Variants in ZNF57 observed in about 807,000 individuals in gnomAD.
The protein encoded by ZNF57 is zinc finger protein 57, also known as zinc finger protein 424.
ZNF57 carries 11 observed loss-of-function variants against 13.4 expected under a neutral mutation model. The observed-to-expected ratio is 0.82, with a 90% CI of 0.52 to 1.36. ZNF57 has a LOEUF of 1.36. Among genes scored for constraint, ZNF57 ranks in the 40% most tolerant of loss-of-function variants. The pLI, the probability that ZNF57 is intolerant of heterozygous loss-of-function variation, is 0.00. For synonymous variants in ZNF57, 224 were observed against 238.5 expected, an observed-to-expected ratio of 0.94 and a Z score of 0.56; for missense variants, 696 against 667.5, an observed-to-expected ratio of 1.04 and a Z score of -0.47.
Position 2,914,676 on chromosome 19 carries a change from G to A in ZNF57, c.4-846G>A, listed in dbSNP as rs113049537. ...ATGCGAGGCTTATCAGATGAGCTTC[G>A]GGTTTATATTCATCGCTCGATTCCA... On this transcript the variant is annotated intron_variant, in intron 1 of 3. Transcript: ENST00000306908. Among the ~76,000 whole-genome samples the A allele has an allele frequency of 3.4e-3, 525 of 152,248 alleles. 4 individuals carry two copies. The highest frequency in any genetic ancestry group is 0.014 in the South Asian group (68 of 4,820).
chr19:2,911,554 C>T (rs757415298), intron 1 of ZNF57, among the ~76,000 whole-genome samples: 4 of 151,370 alleles, frequency 2.6e-5, no homozygotes, highest in Non-Finnish European at 5.9e-5. Flanking sequence ...AAAACGACAA[C>T]AAAAAAAACT....
At chr19:2,912,101 G>A (rs2088142932) in intron 1 of ZNF57, 2 of 152,224 alleles carry the variant, frequency 1.3e-5, no homozygotes, top group African/African-American at 4.8e-5. Flanking sequence ...GTGGGCAGAG[G>A]GCAAGGATTC....
Position 2,917,317 on chromosome 19 carries a change from G to A in ZNF57, c.696G>A (p.Ala232=), listed in dbSNP as rs140425321. ...KTYKCEQCRM[A]FNGFASFTRH... ...ACAAATGCGAGCAGTGTCGGATGGC[G>A]TTTAATGGGTTCGCAAGCTTCACTA... The change falls in exon 4 of 4, where the codon GCG becomes GCA. Residue 232 remains alanine, a synonymous_variant. Transcript: ENST00000306908. 205 of 1,614,098 alleles carry A rather than the reference G, an allele frequency of 1.3e-4. No individual in the cohort carries two copies. The highest frequency in any genetic ancestry group is 4.9e-4 in the Middle Eastern group (3 of 6,062).
At chr19:2,905,556 A>C (rs1455805325) in intron 1 of ZNF57, among the ~76,000 whole-genome samples, 1 of 151,184 alleles carries the variant, frequency 6.6e-6, no homozygotes, top group Non-Finnish European at 1.5e-5. Flanking sequence ...CGAGGTCAGG[A>C]GATCGAGACC....
chr19:2,913,146 GT>G (rs2088156093), intron 1 of ZNF57, among the ~76,000 whole-genome samples: 1 of 152,124 alleles, frequency 6.6e-6, no homozygotes, highest in Admixed American at 6.6e-5. Context: ...TAGAGACGGG[GT>G]TTCACCATAT....
At position 2,909,285 on chromosome 19, in the gene ZNF57, T is replaced by TTTTG. The variant is rs1555677945; in HGVS notation, c.4-6234_4-6233insGTTT. ...GATTTTATTTTATTTATTTTTGTTT[T>TTTTG]TTTTTTTTTTTTTGAGACAGAGTCT... On this transcript the variant is annotated intron_variant, in intron 1 of 3. Transcript: ENST00000306908. 4.6e-5 allele frequency among the ~76,000 whole-genome samples: 6 copies of TTTTG among 129,732 alleles called. No individual in the cohort carries two copies. The South Asian group carries it at 8.0e-4, about 17-fold the overall frequency. 85.1% of individuals were successfully genotyped at this position (129,732 alleles called of 152,430 possible).
chr19:2,903,882 A>G (rs1377915094), intron 1 of ZNF57, among the ~76,000 whole-genome samples: 1 of 151,770 alleles, frequency 6.6e-6, no homozygotes, highest in Non-Finnish European at 1.5e-5. Context: ...CGCCCGGCTA[A>G]TTTTTTGTAT....
At chr19:2,915,413 G>T in intron 1 of ZNF57, 109 bp from the exon 2 acceptor site, 1 of 1,399,868 alleles carries the variant, frequency 7.1e-7, no homozygotes, top group South Asian at 1.3e-5. Flanking sequence ...GCGTCATAGA[G>T]GAGGTGTTGG....
rs1044436016 is a variant in ZNF57 at position 2,917,870 on chromosome 19, G to A, written c.1249G>A (p.Glu417Lys). The A allele has an allele frequency of 6.2e-7, 1 of 1,612,004 alleles. No individual in the cohort carries two copies. Among genetic ancestry groups the A allele is most frequent in the Non-Finnish European group, 8.5e-7 (1 of 1,179,224 alleles). ...FRGHLRTHTG[E>K]KPYECKQCGK... is the part of the protein sequence containing the mutation. ...AGGTCATTTGAGGACGCACACTGGA[G>A]AGAAGCCTTATGAGTGTAAACAATG... Residue 417 changes from glutamate to lysine, a missense_variant, in exon 4 of 4, where the codon GAG becomes AAG. By Grantham distance (56) the Glu-to-Lys change is moderately conservative (BLOSUM62 1). Transcript: ENST00000306908.
At chr19:2,902,944 A>G (rs1672475965) in intron 1 of ZNF57, among the ~76,000 whole-genome samples, 1 of 152,134 alleles carries the variant, frequency 6.6e-6, no homozygotes, top group African/African-American at 2.4e-5. Flanking sequence ...CAGGGAGGTG[A>G]GCCCCAAGAC....
chr19:2,901,056 C>T lies in ZNF57; in HGVS notation c.3+8C>T. The T allele has an allele frequency of 2.6e-6, 4 of 1,558,504 alleles. No homozygotes were observed. Among genetic ancestry groups the T allele is most frequent in the South Asian group, 1.2e-5 (1 of 84,728 alleles). On this transcript the variant is annotated splice_region_variant and intron_variant, in intron 1 of 3. Transcript: ENST00000306908. ...AGGAGCAGGGGAGACATGGTGAGTG[C>T]GAGGCAGGAGCAGAGCCAGGGGACG...
intron 1 of ZNF57, among the ~76,000 whole-genome samples, chr19:2,901,397 G>A (rs955835888): frequency 7.2e-5 from 11 of 152,216 alleles, no homozygotes; most frequent in African/African-American, 2.6e-4. Flanking sequence ...ACGCGTGTCC[G>A]TATAAGAGGT....
intron 1 of ZNF57, chr19:2,915,236 C>T (rs1177611008): frequency 2.5e-5 from 7 of 277,456 alleles, no homozygotes; most frequent in Non-Finnish European, 4.2e-5. Flanking sequence ...CGTTATGCAA[C>T]GTTTCAAATG....
Position 2,917,447 on chromosome 19 carries a change from G to A in ZNF57, c.826G>A (p.Gly276Arg). ...TCAAAGACACATGACAACACACACT[G>A]GAGAGAAGCCCTATAAATGTCAGCA... is the stretch of plus-strand genomic sequence containing the variant. ...TFQRHMTTHT[G>R]EKPYKCQHCG... Residue 276 changes from glycine to arginine, a missense_variant, in exon 4 of 4, where the codon GGA becomes AGA. By Grantham distance (125) the Gly-to-Arg change is moderately radical. This residue lies in a region of ZNF57 where 645 missense variants were observed against 591.5 expected (regional missense o/e 1.09). Transcript: ENST00000306908. 2.5e-6 allele frequency: 4 copies of A among 1,614,136 alleles called. No homozygotes were observed. The highest frequency in any genetic ancestry group is 3.4e-6 in the Non-Finnish European group (4 of 1,180,024).
At chr19:2,911,852 T>G (rs2088140145) in intron 1 of ZNF57, among the ~76,000 whole-genome samples, 1 of 152,222 alleles carries the variant, frequency 6.6e-6, no homozygotes, top group Admixed American at 6.5e-5. Context: ...GTATTGCCTG[T>G]TTTTGCATGT....
chr19:2,901,092 C>T, intron 1 of ZNF57, 44 bp downstream of exon 1: 4 of 1,498,112 alleles, frequency 2.7e-6, no homozygotes, highest in Non-Finnish European at 3.6e-6. Context: ...GTCGGAGCGA[C>T]GGGAACCGGC....
chr19:2,900,973 C>A lies in ZNF57; in HGVS notation c.-73C>A, dbSNP rs1568177779. The A allele has an allele frequency of 9.7e-6, 15 of 1,545,910 alleles. No homozygotes were observed. Among genetic ancestry groups the A allele is most frequent in the Admixed American group, 3.9e-5 (2 of 50,740 alleles). On this transcript the variant is annotated 5_prime_UTR_variant, in exon 1 of 4. Coordinates refer to ENST00000306908, the MANE Select transcript of ZNF57 (RefSeq NM_173480.3). ...GCCTACCACGAGCGGCCCGGGAGTA[C>A]CTGTACCTTTCAGCTGCGCCGGCCG...
At chr19:2,901,077 G>T (rs1210133013) in intron 1 of ZNF57, 29 bp downstream of exon 1, 3 of 1,548,442 alleles carry the variant, frequency 1.9e-6, no homozygotes, top group Non-Finnish European at 2.6e-6. Flanking sequence ...CAGAGCCAGG[G>T]GACGGTCGGA....
chr19:2,917,237 CAA>C lies in ZNF57; in HGVS notation c.617_618del (p.Gln206ProfsTer28), dbSNP rs759315469. The C allele has an allele frequency of 1.9e-5, 31 of 1,614,070 alleles. No individual in the cohort carries two copies. Among genetic ancestry groups the C allele is most frequent in the Non-Finnish European group, 2.5e-5 (29 of 1,180,044 alleles). ...GTGTCAAGCATGTGGGCAAACTTTC[CAA>C]CATCCTCGTTACCTCTCCCACCACG... ...YKCQACGQTF[Q>X]HPRYLSHHVK... On this transcript the variant is annotated frameshift_variant, in exon 4 of 4. Coordinates refer to ENST00000306908, the MANE Select transcript of ZNF57 (RefSeq NM_173480.3). LOFTEE classifies it low-confidence loss of function (END_TRUNC).
Sources: gnomAD v4.1 joint callset for allele counts (sites outside exome capture counted in the v4.1 genomes callset) on GRCh38, gnomAD v4.1.1 for gene constraint, gnomAD v4.1.1 regional missense constraint, MANE v1.5 for transcripts, NCBI Gene and HGNC (gene_info 2026-07-23, HGNC 2026-07-21) for gene names.